Variants in GNG7 observed in about 807,000 individuals in gnomAD.
GNG7 encodes guanine nucleotide-binding protein G(I)/G(S)/G(O) subunit gamma-7.
GNG7 carries 1 observed loss-of-function variant against 4.0 expected under a neutral mutation model. That is an observed-to-expected ratio of 0.25 (90% CI 0.09 to 1.18). GNG7 has a LOEUF of 1.18. Among genes scored for constraint, GNG7 ranks in the 50% most tolerant of loss-of-function variants. The pLI is 0.50. For synonymous variants in GNG7, 34 were observed against 36.9 expected (o/e 0.92, Z 0.29); for missense variants, 86 against 91.9 (o/e 0.94, Z 0.26).
At position 2,665,932 on chromosome 19, in the gene GNG7, G is replaced by A. The variant is rs764060382; in HGVS notation, c.-134-19652C>T. ...CATCCAGGCTAGAGTGCAGTGGTGC[G>A]AACTTGGCTCACTGCCTCTGCCTCC... On this transcript the variant is annotated intron_variant, in intron 1 of 4. Coordinates refer to ENST00000382159, the MANE Select transcript of GNG7 (RefSeq NM_052847.3). Among the ~76,000 whole-genome samples, 8 of 152,008 alleles carry A rather than the reference G, an allele frequency of 5.3e-5. No individual in the cohort carries two copies. The South Asian group carries it at 1.0e-3, about 20-fold the overall frequency.
intron 1 of GNG7, among the ~76,000 whole-genome samples, chr19:2,651,573 C>T (rs2317243): frequency 0.024 from 3,275 of 138,930 alleles, 83 homozygotes; most frequent in Middle Eastern, 0.051. Flanking sequence ...CTCTCTCTCT[C>T]TCTTTTTTTT....
chr19:2,615,269 C>T (rs1350242533), intron 2 of GNG7, among the ~76,000 whole-genome samples: 1 of 151,590 alleles, frequency 6.6e-6, no homozygotes, highest in African/African-American at 2.4e-5. Context: ...TCCCACCATT[C>T]AGGCTCCCCC....
intron 1 of GNG7, among the ~76,000 whole-genome samples, chr19:2,667,842 G>A (rs1451003037): frequency 1.3e-5 from 2 of 152,068 alleles, no homozygotes; most frequent in Non-Finnish European, 2.9e-5. Flanking sequence ...ATGAATCCAG[G>A]AGGCAGAGAT....
chr19:2,650,831 C>CTTGTCTCCA (rs1982793247), intron 1 of GNG7, among the ~76,000 whole-genome samples: 3 of 152,316 alleles, frequency 2.0e-5, no homozygotes, highest in Admixed American at 2.0e-4. Context: ...ACCCGGGCGG[C>CTTGTCTCCA]CAGCAGTGGA....
intron 1 of GNG7, among the ~76,000 whole-genome samples, chr19:2,661,302 G>GAGAGAGAAAGAAAGAA (rs1983161834): frequency 1.4e-5 from 1 of 73,122 alleles, no homozygotes; most frequent in Admixed American, 1.5e-4. Context: ...AAGAAAGAAA[G>GAGAGAGAAAGAAAGAA]AGAAAGAAAG....
rs7255327 is a variant in GNG7, at chr19:2,694,412, C to T, written c.-135+8234G>A. On this transcript the variant is annotated intron_variant, in intron 1 of 4. Transcript: ENST00000382159. ...CGGTGGCTGTCACAACTCAGAGATGCTCCTGGCGTGGAGTGGGTGGAGCCC... is the reference window on the plus strand; with the variant it reads ...CGGTGGCTGTCACAACTCAGAGATGTTCCTGGCGTGGAGTGGGTGGAGCCC... 6.4e-3 allele frequency among the ~76,000 whole-genome samples: 980 copies of T among 152,124 alleles called. 20 individuals are homozygous for T. Among genetic ancestry groups the T allele is most frequent in the African/African-American group, 0.022 (919 of 41,472 alleles).
intron 1 of GNG7, among the ~76,000 whole-genome samples, chr19:2,659,551 C>T (rs1271898816): frequency 2.8e-4 from 37 of 132,974 alleles, no homozygotes; most frequent in African/African-American, 3.4e-4. Context: ...GATCACGCCA[C>T]TACACTCCAG....
intron 1 of GNG7, among the ~76,000 whole-genome samples, chr19:2,659,201 C>T (rs964240806): frequency 3.3e-5 from 5 of 151,906 alleles, no homozygotes; most frequent in Admixed American, 6.5e-5. Flanking sequence ...AATCTCCTGA[C>T]CTCGTGATCC....
At chr19:2,642,850 C>G (rs1982545659) in intron 2 of GNG7, 1 of 456,626 alleles carries the variant, frequency 2.2e-6, no homozygotes, top group Non-Finnish European at 4.4e-6. Context: ...CAGGAAGCAC[C>G]GGGAATGCAT....
chr19:2,585,857 C>A (rs535237818), intron 2 of GNG7, among the ~76,000 whole-genome samples: 1 of 152,258 alleles, frequency 6.6e-6, no homozygotes, highest in East Asian at 1.9e-4. Flanking sequence ...CCCGCCACCA[C>A]GCCCGGCTAT....
intron 1 of GNG7, among the ~76,000 whole-genome samples, chr19:2,648,218 C>T (rs1306112117): frequency 6.6e-6 from 1 of 151,624 alleles, no homozygotes. Flanking sequence ...AAGACCCCAT[C>T]TGCCATCTCT....
chr19:2,648,992 G>A (rs904831500), intron 1 of GNG7, among the ~76,000 whole-genome samples: 11 of 151,870 alleles, frequency 7.2e-5, no homozygotes, highest in African/African-American at 1.4e-4. Flanking sequence ...GGGCTCAAGC[G>A]ATCCTCCTTC....
At chr19:2,562,449 C>T (rs889761902) in intron 2 of GNG7, among the ~76,000 whole-genome samples, 3 of 151,518 alleles carry the variant, frequency 2.0e-5, no homozygotes, top group African/African-American at 7.3e-5. Context: ...GCGCCCCGCT[C>T]CTTTTCCTTT....
intron 1 of GNG7, among the ~76,000 whole-genome samples, chr19:2,670,157 A>G (rs1983415096): frequency 6.6e-6 from 1 of 152,002 alleles, no homozygotes; most frequent in African/African-American, 2.4e-5. Flanking sequence ...CTCCGTTAAT[A>G]TTTTGTTGGA....
chr19:2,590,532 CCCAACCAA>C (rs1327406888), intron 2 of GNG7, among the ~76,000 whole-genome samples: 1 of 141,938 alleles, frequency 7.0e-6, no homozygotes, highest in African/African-American at 2.6e-5. Flanking sequence ...CATCCACCCA[CCCAACCAA>C]CCATCCATCC....
chr19:2,692,590 G>A (rs1214914429), intron 1 of GNG7, among the ~76,000 whole-genome samples: 7 of 149,706 alleles, frequency 4.7e-5, no homozygotes, highest in Non-Finnish European at 8.9e-5. Context: ...AGCCGAGATC[G>A]CGCCACTGCA....
rs1354419129 is a variant in GNG7, at chr19:2,611,013, G to C, written c.-78+35211C>G. The stretch of plus-strand genomic sequence containing the variant: ...GCTCACGTGCCAGGCTCGGGGGGGG[G>C]GAAGCGTCCTCAACATTCTCAGAAA... On this transcript the variant is annotated intron_variant, in intron 2 of 4. Coordinates refer to ENST00000382159, the MANE Select transcript of GNG7 (RefSeq NM_052847.3). This position sits in a 1 kb window ranked among gnomAD's most constrained non-coding sequence, Gnocchi z 6.0. 2 of 147,690 alleles carry C rather than the reference G, an allele frequency of 1.4e-5. No individual in the cohort carries two copies. Among genetic ancestry groups the C allele is most frequent in the Non-Finnish European group, 3.0e-5 (2 of 67,096 alleles). 9.1% of individuals were successfully genotyped at this position (147,690 alleles called of 1,614,324 possible).
rs201981385 is a variant in GNG7 at position 2,599,067 on chromosome 19, C to T, written c.-77-43879G>A. On this transcript the variant is annotated intron_variant, in intron 2 of 4. Transcript: ENST00000382159. ...GGCGAAGCGGGTGCCCCGCGCTCGGCTGGAAAAAGCCAATGTCACCGGGCT... is the reference window on the plus strand; with the variant it reads ...GGCGAAGCGGGTGCCCCGCGCTCGGTTGGAAAAAGCCAATGTCACCGGGCT... Among the ~76,000 whole-genome samples, 39 of 152,268 alleles carry T rather than the reference C, an allele frequency of 2.6e-4. 1 individual carries two copies. The East Asian group carries it at 7.0e-3, about 27-fold the overall frequency.
chr19:2,523,624 A>G (rs10419487), intron 3 of GNG7, among the ~76,000 whole-genome samples: 45,260 of 151,970 alleles, frequency 0.3, 6,699 homozygotes, highest in South Asian at 0.39. Flanking sequence ...AGAGAGCCTC[A>G]CACACTCACA....
Sources: gnomAD v4.1 joint callset for allele counts (sites outside exome capture counted in the v4.1 genomes callset) on GRCh38, gnomAD v4.1.1 for gene constraint, Gnocchi (gnomAD v3.1) non-coding constraint, MANE v1.5 for transcripts, NCBI Gene and HGNC (gene_info 2026-07-23, HGNC 2026-07-21) for gene names.